The following OSBPL1A variants were observed in gnomAD, a reference collection of about 807,000 sequenced individuals.
OSBPL1A encodes oxysterol binding protein like 1A.
A neutral mutation model predicts 137.1 loss-of-function variants in OSBPL1A; 80 were observed. The observed-to-expected ratio is 0.58, with a 90% confidence interval of 0.49 to 0.70. OSBPL1A has a LOEUF of 0.70. Among genes scored for constraint, OSBPL1A ranks in the 30% least tolerant of loss-of-function variants. The pLI is 0.00. For missense variants in OSBPL1A, 970 were observed against 1,129.4 expected, an observed-to-expected ratio of 0.86 and a Z score of 2.02; for synonymous variants, 365 against 389.7, an observed-to-expected ratio of 0.94 and a Z score of 0.75.
rs116670762 is a variant in OSBPL1A at position 24,395,198 on chromosome 18, T to C, written c.-3+2457A>G. On this transcript the variant is annotated intron_variant, in intron 1 of 27. Coordinates refer to ENST00000319481, the MANE Select transcript of OSBPL1A (RefSeq NM_080597.4). ...GAACTTGCTAGGTCATCAAAAAAGC[T>C]CTGATTGCCAAAGTTCAGACTCAGC... Among the ~76,000 whole-genome samples the C allele has an allele frequency of 5.9e-3, 892 of 152,274 alleles. 13 individuals are homozygous for C. Among genetic ancestry groups the C allele is most frequent in the African/African-American group, 0.021 (868 of 41,548 alleles).
At chr18:24,313,651 C>T (rs2090666602) in intron 12 of OSBPL1A, among the ~76,000 whole-genome samples, 1 of 152,088 alleles carries the variant, frequency 6.6e-6, no homozygotes, top group African/African-American at 2.4e-5. Context: ...AGTTTCCTCA[C>T]CTATAAGTTA....
chr18:24,181,314 A>C (rs1477071323), intron 18 of OSBPL1A, 35 bp from the exon 19 acceptor site: 1 of 1,603,002 alleles, frequency 6.2e-7, no homozygotes, highest in Non-Finnish European at 8.5e-7. Flanking sequence ...GTTATGTCCC[A>C]TATACATAAC....
At chr18:24,298,200 G>T (rs1256308888) in intron 14 of OSBPL1A, among the ~76,000 whole-genome samples, 1 of 152,134 alleles carries the variant, frequency 6.6e-6, no homozygotes, top group Non-Finnish European at 1.5e-5. Flanking sequence ...GGTCTAAAAA[G>T]GGGAGGCATG....
chr18:24,390,694 C>CACA (rs1491148004), intron 1 of OSBPL1A, among the ~76,000 whole-genome samples: 5 of 56,202 alleles, frequency 8.9e-5, no homozygotes, highest in African/African-American at 3.6e-4. Flanking sequence ...GACTCCGTCT[C>CACA]AAAAAAAAAA....
chr18:24,207,978 C>CA (rs1270230152), intron 17 of OSBPL1A, among the ~76,000 whole-genome samples: 1 of 152,174 alleles, frequency 6.6e-6, no homozygotes, highest in Non-Finnish European at 1.5e-5. Flanking sequence ...CTCCTGGCCT[C>CA]AAGCTATCCA....
rs1205957962 is a variant in OSBPL1A at position 24,312,096 on chromosome 18, T to C, written c.980A>G (p.Glu327Gly). 1 of 1,613,592 alleles carries C rather than the reference T, an allele frequency of 6.2e-7. No individual in the cohort carries two copies. Among genetic ancestry groups the C allele is most frequent in the Non-Finnish European group, 8.5e-7 (1 of 1,179,840 alleles). The change falls in exon 13 of 28, where the codon GAA (glutamate) becomes GGA (glycine). Residue 327 changes from glutamate (E) to glycine (G), a missense_variant. Physicochemically the swap from Glu to Gly is moderately conservative, Grantham distance 98. Transcript: ENST00000319481. ...SLQQSREDWL[E>G]AIEEHSAYST... ...GTAAGCAGAATGTTCTTCTATTGCT[T>C]CCAGCCAGTCCTGAAATCATGCAAG...
chr18:24,189,859 A>G (rs185391262), intron 18 of OSBPL1A, among the ~76,000 whole-genome samples: 252 of 152,316 alleles, frequency 1.7e-3, no homozygotes, highest in African/African-American at 5.7e-3. Flanking sequence ...CAGGCCAGCC[A>G]TGGGGGACAA....
chr18:24,268,573 T>A (rs1343652043), intron 15 of OSBPL1A, among the ~76,000 whole-genome samples: 1 of 152,066 alleles, frequency 6.6e-6, no homozygotes, highest in Non-Finnish European at 1.5e-5. Context: ...AAAAAAAGAT[T>A]CCAATGACCA....
chr18:24,300,388 G>T (rs1413030757), intron 14 of OSBPL1A, among the ~76,000 whole-genome samples: 5 of 152,180 alleles, frequency 3.3e-5, no homozygotes, highest in African/African-American at 1.2e-4. Context: ...TTCTCTAGTT[G>T]CAAGGATTTA....
At chr18:24,234,527 G>GC (rs973192808) in intron 16 of OSBPL1A, among the ~76,000 whole-genome samples, 16 of 140,530 alleles carry the variant, frequency 1.1e-4, no homozygotes, top group Non-Finnish European at 1.9e-4. Flanking sequence ...GCGATCCCAG[G>GC]GGGGACGCCA....
At chr18:24,245,455 G>A (rs2088854330) in intron 15 of OSBPL1A, among the ~76,000 whole-genome samples, 1 of 152,140 alleles carries the variant, frequency 6.6e-6, no homozygotes, top group Admixed American at 6.5e-5. Context: ...CACGGTATGT[G>A]CTTTTAGGTG....
intron 7 of OSBPL1A, among the ~76,000 whole-genome samples, chr18:24,331,478 G>A (rs1057217488): frequency 1.3e-5 from 2 of 148,304 alleles, no homozygotes; most frequent in African/African-American, 5.1e-5. Context: ...CTCACTGCAA[G>A]CTCCGCCTCC....
intron 1 of OSBPL1A, among the ~76,000 whole-genome samples, chr18:24,382,234 T>TAA (rs549411882): frequency 8.5e-5 from 10 of 117,706 alleles, no homozygotes; most frequent in Middle Eastern, 4.4e-3. Flanking sequence ...ACGTCTCTAC[T>TAA]AAAAAAAAAA....
At chr18:24,208,762 C>T (rs746723408) in intron 17 of OSBPL1A, among the ~76,000 whole-genome samples, 2 of 152,164 alleles carry the variant, frequency 1.3e-5, no homozygotes, top group African/African-American at 4.8e-5. Flanking sequence ...AATTAGGGAT[C>T]TAGAATGAGT....
intron 14 of OSBPL1A, among the ~76,000 whole-genome samples, chr18:24,290,957 A>T (rs1166476068): frequency 6.6e-6 from 1 of 152,166 alleles, no homozygotes; most frequent in African/African-American, 2.4e-5. Context: ...CTAGATATGA[A>T]ATCCAAATTT....
chr18:24,283,281 A>AAAAAAAAAAATAT (rs1246058393), intron 14 of OSBPL1A, among the ~76,000 whole-genome samples: 2 of 78,376 alleles, frequency 2.6e-5, no homozygotes, highest in African/African-American at 5.3e-5. Flanking sequence ...AAAAAAAAAA[A>AAAAAAAAAAATAT]ATATATATAT....
In OSBPL1A at chr18:24,314,318, AAAG is replaced by A; in HGVS notation, c.897_899del (p.Phe300del). On this transcript the variant is annotated inframe_deletion, in exon 12 of 28. Coordinates refer to ENST00000319481, the MANE Select transcript of OSBPL1A (RefSeq NM_080597.4). ...GAATGGTGTCATCAAAGCATTTAAT[AAAG>A]AAGAGGCAGCTATCAGTGGATTTTA... 1 of 1,611,292 alleles carries A rather than the reference AAAG, an allele frequency of 6.2e-7. No homozygotes were observed.
At chr18:24,239,713 CAACATT>C (rs1212955714) in intron 15 of OSBPL1A, among the ~76,000 whole-genome samples, 1 of 152,018 alleles carries the variant, frequency 6.6e-6, no homozygotes, top group Non-Finnish European at 1.5e-5. Context: ...ATTTCTCTCT[CAACATT>C]AAGTACACAG....
chr18:24,327,253 G>T (rs980311880), intron 7 of OSBPL1A, among the ~76,000 whole-genome samples: 2 of 150,844 alleles, frequency 1.3e-5, no homozygotes, highest in Non-Finnish European at 3.0e-5. Context: ...GATTACAGGC[G>T]TGCTCCACCA....
Sources: allele counts gnomAD v4.1 joint callset (sites outside exome capture counted in the v4.1 genomes callset), GRCh38; gene constraint gnomAD v4.1.1; transcripts MANE v1.5; gene names NCBI Gene and HGNC (gene_info 2026-07-23, HGNC 2026-07-21).